Variants in ANO1 observed in about 807,000 individuals in gnomAD.
ANO1 encodes the protein anoctamin-1.
Under a neutral mutation model 124.0 loss-of-function variants are expected in ANO1, and 59 were observed. The observed-to-expected ratio is 0.48, with a 90% CI of 0.39 to 0.59. The LOEUF is 0.59. Ranked by LOEUF, ANO1 falls within the 20% of genes least tolerant of loss-of-function variation. ANO1 has a pLI of 0.00. For missense variants in ANO1, 1,059 were observed against 1,328.0 expected, an observed-to-expected ratio of 0.80 and a Z score of 3.15; for synonymous variants, 529 against 532.0, an observed-to-expected ratio of 0.99 and a Z score of 0.08.
intron 24 of ANO1, among the ~76,000 whole-genome samples, chr11:70,182,982 A>G (rs2048986053): frequency 6.6e-6 from 1 of 152,048 alleles, no homozygotes; most frequent in Non-Finnish European, 1.5e-5. Context: ...TGTGGCACTC[A>G]CCTGTAGTTC....
intron 1 of ANO1, among the ~76,000 whole-genome samples, chr11:70,017,513 T>TCCCC (rs1856724163): frequency 9.1e-6 from 1 of 110,262 alleles, no homozygotes; most frequent in African/African-American, 3.5e-5. Flanking sequence ...CCTCCCTCCC[T>TCCCC]CCTTCCTTCC....
intron 11 of ANO1, among the ~76,000 whole-genome samples, chr11:70,147,120 C>T (rs2047408168): frequency 6.9e-6 from 1 of 145,628 alleles, no homozygotes; most frequent in Admixed American, 6.7e-5. Flanking sequence ...AGCAGCCCTC[C>T]CGGGCAGTGC....
intron 22 of ANO1, among the ~76,000 whole-genome samples, chr11:70,177,448 G>A (rs1439336646): frequency 3.3e-5 from 5 of 152,058 alleles, no homozygotes; most frequent in South Asian, 2.1e-4. Context: ...TCGCCGGGAG[G>A]CCTCAGCACA....
intron 7 of ANO1, among the ~76,000 whole-genome samples, chr11:70,115,142 C>G (rs1476044782): frequency 6.6e-6 from 1 of 152,138 alleles, no homozygotes; most frequent in Admixed American, 6.5e-5. Flanking sequence ...GGTTAAACTG[C>G]TCTCAGAGCG....
rs191715443 is a variant in ANO1, at chr11:70,008,958, G to A, written c.58+22792G>A. Among the ~76,000 whole-genome samples the A allele has an allele frequency of 2.1e-3, 323 of 152,214 alleles. 1 individual carries two copies. The highest frequency in any genetic ancestry group is 7.2e-3 in the African/African-American group (297 of 41,530). ...CCACACATCTGAATGGGAAAATGTC[G>A]AGGAATCAGTGGGATGAGCGTGGCC... is the stretch of plus-strand genomic sequence containing the variant. On this transcript the variant is annotated intron_variant, in intron 1 of 27. Transcript: ENST00000531349.
chr11:70,087,692 C>G (rs1590692262), intron 1 of ANO1, 60 bp from the exon 2 acceptor site: 1 of 1,463,138 alleles, frequency 6.8e-7, no homozygotes, highest in East Asian at 2.4e-5. Context: ...GCAGCGCACC[C>G]TCCAAAGGCC....
intron 9 of ANO1, among the ~76,000 whole-genome samples, 171 bp from the exon 10 acceptor site, chr11:70,125,890 A>G: frequency 6.6e-6 from 1 of 150,540 alleles, no homozygotes; most frequent in East Asian, 1.9e-4. Context: ...TCAGAAAAGC[A>G]GAGAGCACCC....
chr11:69,975,763 C>T, the ANO1 span, among the ~76,000 whole-genome samples: 1 of 152,256 alleles, frequency 6.6e-6, no homozygotes, highest in Non-Finnish European at 1.5e-5. Context: ...CCAGCGAAAC[C>T]TGTCACCACC....
intron 11 of ANO1, among the ~76,000 whole-genome samples, chr11:70,144,656 C>A (rs985800031): frequency 6.6e-6 from 1 of 152,240 alleles, no homozygotes; most frequent in Non-Finnish European, 1.5e-5. Flanking sequence ...CGCTGCCACC[C>A]TCTGTGCTGT....
chr11:70,048,484 T>A (rs1313498423), intron 1 of ANO1, among the ~76,000 whole-genome samples: 1 of 152,072 alleles, frequency 6.6e-6, no homozygotes, highest in Non-Finnish European at 1.5e-5. Context: ...GGGGGTGGTG[T>A]GGTTTATCGA....
chr11:70,081,141 A>G (rs530290230), intron 1 of ANO1, among the ~76,000 whole-genome samples: 21 of 152,214 alleles, frequency 1.4e-4, no homozygotes, highest in Non-Finnish European at 2.8e-4. Flanking sequence ...TTCATTCCCA[A>G]GTTCAAGGGT....
intron 11 of ANO1, among the ~76,000 whole-genome samples, chr11:70,142,641 T>C (rs1399760561): frequency 6.6e-6 from 1 of 152,196 alleles, no homozygotes; most frequent in African/African-American, 2.4e-5. Flanking sequence ...GGGTGGTTTC[T>C]ATTCCCAGGG....
intron 25 of ANO1, 23 bp from the exon 26 acceptor site, chr11:70,187,715 C>A: frequency 6.3e-7 from 1 of 1,594,580 alleles, no homozygotes; most frequent in African/African-American, 1.3e-5. Context: ...CTCCCTTCTG[C>A]CACGCGTTGC....
At chr11:70,092,351 C>A (rs1315334806) in intron 2 of ANO1, among the ~76,000 whole-genome samples, 5 of 152,228 alleles carry the variant, frequency 3.3e-5, no homozygotes, top group Non-Finnish European at 7.3e-5. Context: ...CACCACTCAG[C>A]CCACTCCAGT....
chr11:70,016,950 T>C (rs1413459636), intron 1 of ANO1, among the ~76,000 whole-genome samples: 3 of 152,272 alleles, frequency 2.0e-5, no homozygotes, highest in Admixed American at 6.5e-5. Context: ...GTCACTGTGC[T>C]TCGTACTAGA....
Position 70,087,960 on chromosome 11 carries a change from C to A in ANO1, c.317C>A (p.Ala106Glu), listed in dbSNP as rs373880950. 1.3e-6 allele frequency: 2 copies of A among 1,589,436 alleles called. No homozygotes were observed. Among genetic ancestry groups the A allele is most frequent in the Admixed American group, 1.7e-5 (1 of 57,512 alleles). The change falls in exon 2 of 26, where the codon GCG becomes GAG. Residue 106 changes from alanine to glutamate, a missense_variant. By Grantham distance (107) the Ala-to-Glu change is moderately radical. This residue lies in a region of ANO1 where 250 missense variants were observed against 233.1 expected (regional missense o/e 1.07). Transcript: ENST00000355303. Reference sequence around the variant, plus strand: ...GACCACCCCCTGCCGGGCAAGGGGGCGTCGCTGGATGCAGGCTCGGGGGAG... The same window carrying A: ...GACCACCCCCTGCCGGGCAAGGGGGAGTCGCTGGATGCAGGCTCGGGGGAG... ...KQDHPLPGKG[A>E]SLDAGSGEPP...
chr11:70,187,653 C>T (rs1386878870), intron 25 of ANO1, 85 bp from the exon 26 acceptor site: 6 of 1,488,218 alleles, frequency 4.0e-6, no homozygotes, highest in Non-Finnish European at 5.4e-6. Context: ...GGTGGCACTC[C>T]ACCAGATGGG....
chr11:70,004,097 G>T (rs1856438444), intron 1 of ANO1, among the ~76,000 whole-genome samples: 1 of 152,134 alleles, frequency 6.6e-6, no homozygotes, highest in African/African-American at 2.4e-5. Flanking sequence ...CCCACCAGGG[G>T]CTCCTTCAGC....
intron 1 of ANO1, among the ~76,000 whole-genome samples, chr11:70,002,277 A>G (rs1221379636): frequency 6.6e-6 from 1 of 151,986 alleles, no homozygotes; most frequent in Non-Finnish European, 1.5e-5. Flanking sequence ...CAGCCTGCCC[A>G]ATATGGTGAA....
Sources: allele counts gnomAD v4.1 joint callset (sites outside exome capture counted in the v4.1 genomes callset), GRCh38; gene constraint gnomAD v4.1.1; regional missense constraint gnomAD v4.1.1; transcripts MANE v1.5; gene names NCBI Gene and HGNC (gene_info 2026-07-23, HGNC 2026-07-21).